Variants in SYTL3 observed in about 807,000 individuals in gnomAD.
The protein encoded by SYTL3 is synaptotagmin like 3, also known as synaptotagmin-like protein 3.
Under a neutral mutation model 82.1 loss-of-function variants are expected in SYTL3, and 88 were observed. That is an observed-to-expected ratio of 1.07 (90% CI 0.90 to 1.28). The LOEUF (loss-of-function observed/expected upper bound fraction) is 1.28, where lower values mean the gene tolerates loss of function less well. Among genes scored for constraint, SYTL3 ranks in the 50% most tolerant of loss-of-function variants. The pLI, the probability that SYTL3 is intolerant of heterozygous loss-of-function variation, is 0.00. For synonymous variants in SYTL3, 311 were observed against 289.4 expected (o/e 1.07, Z -0.76); for missense variants, 831 against 757.6 (o/e 1.10, Z -1.14).
intron 11 of SYTL3, chr6:158,726,224 C>T: frequency 2.3e-6 from 1 of 433,860 alleles, no homozygotes; most frequent in Non-Finnish European, 4.5e-6. Context: ...CACCATCTGT[C>T]AAAGAGGCCT....
chr6:158,764,421 C>A (rs1790490300), intron 17 of SYTL3, 74 bp from the exon 18 acceptor site: 1 of 1,171,582 alleles, frequency 8.5e-7, no homozygotes, highest in East Asian at 2.4e-5. Context: ...GGCTGGTCAT[C>A]ATTTTTAAAG....
rs144394453 is a variant in SYTL3, at chr6:158,736,090, C to T, written c.856-9390C>T. Among the ~76,000 whole-genome samples, 24 of 152,330 alleles carry T rather than the reference C, an allele frequency of 1.6e-4. No homozygotes were observed. In the East Asian group the frequency reaches 3.7e-3, roughly 23 times the overall value. ...AACAACGGCCGGGCGCGGTGTCTCACGCCTGTGATCCCAGCCTTTGGGAGG... is the reference window on the plus strand; with the variant it reads ...AACAACGGCCGGGCGCGGTGTCTCATGCCTGTGATCCCAGCCTTTGGGAGG... On this transcript the variant is annotated intron_variant, in intron 11 of 17. Transcript: ENST00000611299.
intron 10 of SYTL3, among the ~76,000 whole-genome samples, chr6:158,721,117 T>G (rs575442594): frequency 1.7e-4 from 26 of 152,302 alleles, no homozygotes; most frequent in African/African-American, 6.0e-4. Flanking sequence ...GACATTGTTA[T>G]GCGTGTGTCC....
intron 13 of SYTL3, among the ~76,000 whole-genome samples, chr6:158,753,318 G>C (rs1355435266): frequency 6.6e-6 from 1 of 151,570 alleles, no homozygotes; most frequent in Non-Finnish European, 1.5e-5. Context: ...CCTGACCCCA[G>C]GTAATCTGCC....
At chr6:158,722,345 A>G (rs1336905607) in intron 10 of SYTL3, among the ~76,000 whole-genome samples, 2 of 151,778 alleles carry the variant, frequency 1.3e-5, no homozygotes, top group Non-Finnish European at 1.5e-5. Context: ...TATTTTTTCT[A>G]GAGATAGGGT....
intron 10 of SYTL3, among the ~76,000 whole-genome samples, chr6:158,724,419 T>C (rs554124134): frequency 6.6e-6 from 1 of 152,222 alleles, no homozygotes; most frequent in South Asian, 2.1e-4. Flanking sequence ...ACTGTTGTAT[T>C]TCTGAGTTCT....
At chr6:158,688,770 T>C (rs900006232) in intron 6 of SYTL3, among the ~76,000 whole-genome samples, 2 of 152,210 alleles carry the variant, frequency 1.3e-5, no homozygotes, top group African/African-American at 4.8e-5. Flanking sequence ...CATATCTGTA[T>C]GTGTGGATAT....
At chr6:158,756,134 G>C (rs150589370) in intron 13 of SYTL3, among the ~76,000 whole-genome samples, 96 of 152,380 alleles carry the variant, frequency 6.3e-4, no homozygotes, top group South Asian at 1.2e-3. Flanking sequence ...CAGAGGCTGA[G>C]GTGGAGTCAG....
At chr6:158,726,267 TA>T in intron 11 of SYTL3, 2 of 442,346 alleles carry the variant, frequency 4.5e-6, no homozygotes, top group Admixed American at 2.9e-5. Context: ...GTCTCTTGGG[TA>T]AAGATCAATC....
chr6:158,672,296 A>C lies in SYTL3; in HGVS notation c.329+6683A>C, dbSNP rs551264571. Among the ~76,000 whole-genome samples the C allele has an allele frequency of 2.0e-5, 3 of 152,278 alleles. No homozygotes were observed. The East Asian group carries it at 5.8e-4, about 29-fold the overall frequency. Reference sequence around the variant, plus strand: ...ACAGAGCAAGACTGTCTCAAAAAAAAAGTTTTTCCCCAGGAGAGGACTGTG... The same window carrying C: ...ACAGAGCAAGACTGTCTCAAAAAAACAGTTTTTCCCCAGGAGAGGACTGTG... On this transcript the variant is annotated intron_variant, in intron 5 of 17. Coordinates refer to ENST00000611299, the MANE Select transcript of SYTL3 (RefSeq NM_001242394.2).
chr6:158,764,334 T>C (rs908489483), intron 17 of SYTL3, among the ~76,000 whole-genome samples, 161 bp from the exon 18 acceptor site: 5 of 152,108 alleles, frequency 3.3e-5, no homozygotes, highest in Non-Finnish European at 5.9e-5. Flanking sequence ...ACCAGCTTTG[T>C]TGGGGTGGGA....
At chr6:158,751,732 G>GCAT (rs1486904796) in intron 12 of SYTL3, among the ~76,000 whole-genome samples, 196 bp from the exon 13 acceptor site, 1 of 152,156 alleles carries the variant, frequency 6.6e-6, no homozygotes, top group Admixed American at 6.5e-5. Context: ...ACCATAGACT[G>GCAT]CATGGATCAG....
chr6:158,756,190 C>A (rs921066601), intron 13 of SYTL3, among the ~76,000 whole-genome samples: 1 of 152,244 alleles, frequency 6.6e-6, no homozygotes, highest in African/African-American at 2.4e-5. Context: ...CCTTCGGCCT[C>A]TAGTCTCTAT....
At position 158,743,923 on chromosome 6, in the gene SYTL3, T is replaced by C. The variant is rs138229361; in HGVS notation, c.856-1557T>C. 3.5e-4 allele frequency among the ~76,000 whole-genome samples: 54 copies of C among 152,204 alleles called. No homozygotes were observed. In the East Asian group the frequency reaches 0.01, roughly 29 times the overall value. ...TGACTTGTTGGTATTGTTTATTGTT[T>C]GTTTGTTTGTTTTGAGATGGGGCCT... On this transcript the variant is annotated intron_variant, in intron 11 of 17. Coordinates refer to ENST00000611299, the MANE Select transcript of SYTL3 (RefSeq NM_001242394.2).
At chr6:158,714,751 C>G (rs1783165226) in intron 9 of SYTL3, among the ~76,000 whole-genome samples, 1 of 152,206 alleles carries the variant, frequency 6.6e-6, no homozygotes, top group South Asian at 2.1e-4. Flanking sequence ...TTCTGCTCGG[C>G]TTCTCTTCAT....
At chr6:158,745,761 A>C (rs1787554670) in intron 12 of SYTL3, 103 bp downstream of exon 12, 9 of 1,013,112 alleles carry the variant, frequency 8.9e-6, no homozygotes, top group East Asian at 2.7e-5. Flanking sequence ...AAAAAAAAAA[A>C]CAAAATGAAA....
chr6:158,713,206 A>G (rs1406105629), intron 8 of SYTL3, among the ~76,000 whole-genome samples: 1 of 152,048 alleles, frequency 6.6e-6, no homozygotes, highest in Non-Finnish European at 1.5e-5. Flanking sequence ...ATGGGTGGTA[A>G]TGTAAGATGG....
chr6:158,733,036 A>G (rs1313432573), intron 11 of SYTL3, among the ~76,000 whole-genome samples: 1 of 151,570 alleles, frequency 6.6e-6, no homozygotes, highest in African/African-American at 2.4e-5. Flanking sequence ...CTTTCTGGTA[A>G]TAATAATAAT....
intron 2 of SYTL3, among the ~76,000 whole-genome samples, chr6:158,657,154 G>T (rs1180960724): frequency 2.0e-5 from 3 of 152,080 alleles, no homozygotes; most frequent in African/African-American, 4.8e-5. Flanking sequence ...GGCCGGGCAC[G>T]GTGACTCATG....
Sources: allele counts gnomAD v4.1 joint callset (sites outside exome capture counted in the v4.1 genomes callset), GRCh38; gene constraint gnomAD v4.1.1; transcripts MANE v1.5; gene names NCBI Gene and HGNC (gene_info 2026-07-23, HGNC 2026-07-21).